Variants in FHIT observed in about 807,000 individuals in gnomAD.
The protein encoded by FHIT is fragile histidine triad diadenosine triphosphatase, also known as bis(5'-adenosyl)-triphosphatase.
A neutral mutation model predicts 17.9 loss-of-function variants in FHIT; 19 were observed. That is an observed-to-expected ratio of 1.06 (90% CI 0.74 to 1.56). The LOEUF (loss-of-function observed/expected upper bound fraction) is 1.56. Ranked by LOEUF, FHIT falls within the 40% of genes most tolerant of loss-of-function variation. The pLI is 0.00. For missense variants in FHIT, 248 were observed against 189.2 expected (o/e 1.31, Z -1.82); for synonymous variants, 81 against 69.7 (o/e 1.16, Z -0.81).
intron 8 of FHIT, among the ~76,000 whole-genome samples, chr3:59,762,226 G>C (rs116805805): frequency 6.6e-6 from 1 of 152,228 alleles, no homozygotes; most frequent in Non-Finnish European, 1.5e-5. Flanking sequence ...TCAGAACGTT[G>C]TACAATGAAA....
chr3:59,982,052 G>A (rs1575812563), intron 7 of FHIT, among the ~76,000 whole-genome samples: 1 of 130,764 alleles, frequency 7.6e-6, no homozygotes. Flanking sequence ...GCACTGGCTA[G>A]TCTTACCTCT....
chr3:61,171,952 C>T (rs2038017363), intron 2 of FHIT, among the ~76,000 whole-genome samples: 1 of 152,134 alleles, frequency 6.6e-6, no homozygotes, highest in South Asian at 2.1e-4. Flanking sequence ...TTTTATGAAA[C>T]TAAACGTAGT....
intron 5 of FHIT, among the ~76,000 whole-genome samples, chr3:60,457,328 G>T (rs1381467547): frequency 1.3e-5 from 2 of 152,048 alleles, no homozygotes; most frequent in Non-Finnish European, 2.9e-5. Flanking sequence ...CAAGAAATGG[G>T]GAAAGGATTC....
At chr3:59,781,679 T>G (rs867956005) in intron 8 of FHIT, among the ~76,000 whole-genome samples, 3 of 152,260 alleles carry the variant, frequency 2.0e-5, no homozygotes, top group Non-Finnish European at 4.4e-5. Context: ...AGTGATATTT[T>G]CATTGTGCAA....
chr3:60,343,283 G>A (rs770109119), intron 5 of FHIT, among the ~76,000 whole-genome samples: 2 of 152,106 alleles, frequency 1.3e-5, no homozygotes, highest in Admixed American at 6.5e-5. Context: ...TGTAGGGAAT[G>A]GGGGAAGAGA....
rs149950788 is a variant in FHIT, at chr3:60,072,657, A to C, written c.104-58505T>G. On this transcript the variant is annotated intron_variant, in intron 5 of 9. Coordinates refer to ENST00000492590, the MANE Select transcript of FHIT (RefSeq NM_002012.4). ...GTCAAGGACTTGCCCAGCATCACTG[A>C]GCTGGTAAGTGGACGATCAAAGATT... is the stretch of plus-strand genomic sequence containing the variant. 3.4e-3 allele frequency among the ~76,000 whole-genome samples: 521 copies of C among 152,280 alleles called. 2 individuals carry two copies. Among genetic ancestry groups the C allele is most frequent in the African/African-American group, 0.012 (493 of 41,564 alleles).
chr3:61,120,541 C>A (rs2036426702), intron 2 of FHIT, among the ~76,000 whole-genome samples: 1 of 152,150 alleles, frequency 6.6e-6, no homozygotes, highest in Non-Finnish European at 1.5e-5. Context: ...AGCAAGCTAA[C>A]CCTACCTAAA....
At chr3:60,249,020 C>T (rs539062328) in intron 5 of FHIT, among the ~76,000 whole-genome samples, 2 of 152,068 alleles carry the variant, frequency 1.3e-5, no homozygotes, top group East Asian at 1.9e-4. Context: ...TTCAGTCAAT[C>T]GAATATAAAA....
intron 8 of FHIT, among the ~76,000 whole-genome samples, chr3:59,856,330 G>T (rs1219909615): frequency 2.0e-5 from 3 of 151,696 alleles, no homozygotes; most frequent in Non-Finnish European, 4.4e-5. Context: ...AATTTTTTTT[G>T]CAAAGAAAAC....
intron 5 of FHIT, among the ~76,000 whole-genome samples, chr3:60,354,153 C>G (rs1287188642): frequency 1.3e-5 from 2 of 152,014 alleles, no homozygotes; most frequent in Non-Finnish European, 2.9e-5. Context: ...ATGCTTGTAA[C>G]ATATTAAATG....
intron 2 of FHIT, among the ~76,000 whole-genome samples, chr3:61,136,837 C>A (rs752532175): frequency 3.9e-5 from 6 of 152,150 alleles, no homozygotes; most frequent in Non-Finnish European, 5.9e-5. Flanking sequence ...AACATAGAAA[C>A]ATGGAAAACC....
chr3:60,724,090 C>T (rs2041865931), intron 4 of FHIT, among the ~76,000 whole-genome samples: 1 of 152,150 alleles, frequency 6.6e-6, no homozygotes, highest in Non-Finnish European at 1.5e-5. Flanking sequence ...AATTTTAGGA[C>T]ATTTTCATCA....
At chr3:59,799,560 T>A (rs908808818) in intron 8 of FHIT, among the ~76,000 whole-genome samples, 2 of 152,198 alleles carry the variant, frequency 1.3e-5, no homozygotes, top group Non-Finnish European at 2.9e-5. Context: ...TGCCTTGAAG[T>A]AAATAAATTG....
At chr3:61,020,790 T>A (rs1156551176) in intron 3 of FHIT, among the ~76,000 whole-genome samples, 1 of 152,098 alleles carries the variant, frequency 6.6e-6, no homozygotes, top group African/African-American at 2.4e-5. Flanking sequence ...AGGAGACCCA[T>A]CTTATGTGCA....
intron 5 of FHIT, among the ~76,000 whole-genome samples, chr3:60,275,979 T>C (rs1707109559): frequency 7.5e-6 from 1 of 132,896 alleles, no homozygotes; most frequent in Non-Finnish European, 1.5e-5. Flanking sequence ...GTTTTGAGAA[T>C]TTGTTTTTGC....
chr3:61,024,262 T>A (rs2032615624), intron 3 of FHIT, among the ~76,000 whole-genome samples: 1 of 152,140 alleles, frequency 6.6e-6, no homozygotes, highest in Non-Finnish European at 1.5e-5. Context: ...AAGGACTTTC[T>A]AAAGAAATTA....
rs150373709 is a variant in FHIT, at chr3:60,387,851, C to T, written c.103+149009G>A. Among the ~76,000 whole-genome samples the T allele has an allele frequency of 1.9e-4, 29 of 152,236 alleles. 1 individual carries two copies. The highest frequency in any genetic ancestry group is 6.3e-4 in the African/African-American group (26 of 41,524). On this transcript the variant is annotated intron_variant, in intron 5 of 9. Coordinates refer to ENST00000492590, the MANE Select transcript of FHIT (RefSeq NM_002012.4). ...GATCCCTAATGTTGGAGTTAAGGCT[C>T]GATGACAGGTGTTTGGGTCCCAGGG...
At chr3:60,486,748 C>T (rs1531334) in intron 5 of FHIT, among the ~76,000 whole-genome samples, 13,840 of 152,118 alleles carry the variant, frequency 0.091, 1,061 homozygotes, top group East Asian at 0.39. Flanking sequence ...TGTTATAATG[C>T]ATATTTTATC....
chr3:60,239,432 G>T (rs1268577139), intron 5 of FHIT, among the ~76,000 whole-genome samples: 2 of 152,050 alleles, frequency 1.3e-5, no homozygotes, highest in Non-Finnish European at 2.9e-5. Context: ...GGGCATGGTG[G>T]CACATACCTG....
Sources: gnomAD v4.1 joint callset for allele counts (sites outside exome capture counted in the v4.1 genomes callset) on GRCh38, gnomAD v4.1.1 for gene constraint, MANE v1.5 for transcripts, NCBI Gene and HGNC (gene_info 2026-07-23, HGNC 2026-07-21) for gene names.